The following LHPP variants were observed in gnomAD, a reference collection of about 807,000 sequenced individuals.
LHPP encodes the protein hLHPP.
In LHPP, 24 loss-of-function variants were observed where a neutral mutation model predicts 30.3. That is an observed-to-expected ratio of 0.79 (90% CI 0.57 to 1.11). LHPP has a LOEUF of 1.11. Ranked by LOEUF, LHPP falls within the 50% of genes most tolerant of loss-of-function variation. The pLI is 0.00. For synonymous variants in LHPP, 150 were observed against 157.1 expected (o/e 0.95, Z 0.34); for missense variants, 356 against 367.2 (o/e 0.97, Z 0.25).
chr10:124,574,012 G>A (rs1042004194), intron 6 of LHPP, among the ~76,000 whole-genome samples: 23 of 152,118 alleles, frequency 1.5e-4, no homozygotes, highest in Non-Finnish European at 2.6e-4. Context: ...TGCCCCACAG[G>A]TGTCACCCAT....
rs117076450 is a variant in LHPP, at chr10:124,519,612, C to T, written c.716+2341C>T. Among the ~76,000 whole-genome samples the T allele has an allele frequency of 9.3e-3, 1,412 of 152,230 alleles. 11 individuals carry two copies. Among genetic ancestry groups the T allele is most frequent in the Non-Finnish European group, 0.017 (1,133 of 68,016 alleles). On this transcript the variant is annotated intron_variant, in intron 6 of 6. Transcript: ENST00000368842. The stretch of plus-strand genomic sequence containing the variant: ...TACCTCCCACCCTTCCCGGCAAGCC[C>T]CCAAAGTCCATTGTATTATTTTTAT...
Position 124,461,859 on chromosome 10 carries a change from C to G in LHPP, c.-4C>G. 8.0e-7 allele frequency: 1 copy of G among 1,246,298 alleles called. No individual in the cohort carries two copies. The highest frequency in any genetic ancestry group is 3.1e-5 in the East Asian group (1 of 32,756). 77.2% of individuals were successfully genotyped at this position (1,246,298 alleles called of 1,614,324 possible). A position where few individuals can be genotyped will look rare whatever the true frequency, so the allele number is the denominator to read the frequency against. On this transcript the variant is annotated 5_prime_UTR_variant, in exon 1 of 7. Transcript: ENST00000368842. ...CGCGGAGCTGAGGAGCAGGGCCGGG[C>G]GCCATGGCACCGTGGGGCAAGCGGC...
intron 5 of LHPP, among the ~76,000 whole-genome samples, chr10:124,511,027 TG>T (rs1954283039): frequency 6.6e-6 from 1 of 152,218 alleles, no homozygotes; most frequent in Non-Finnish European, 1.5e-5. Context: ...GTGTCTTGCC[TG>T]GCCAGGTGTT....
chr10:124,569,749 G>A (rs535845162), intron 6 of LHPP, among the ~76,000 whole-genome samples: 53 of 152,322 alleles, frequency 3.5e-4, no homozygotes, highest in Middle Eastern at 3.4e-3. Context: ...GTAAGGCAGC[G>A]GAGCCGAGAT....
rs904793269 is a variant in LHPP, at chr10:124,592,570, G to A, written c.717-20694G>A. Among the ~76,000 whole-genome samples the A allele has an allele frequency of 2.0e-5, 3 of 152,150 alleles. No individual in the cohort carries two copies. The highest frequency in any genetic ancestry group is 4.8e-5 in the African/African-American group (2 of 41,428). ...CAGTCCTCAGTTTCCCCTTCTCTCC[G>A]GCACCCTCCTGAGGACCACTGAGCC... On this transcript the variant is annotated intron_variant, in intron 6 of 6. Coordinates refer to ENST00000368842, the MANE Select transcript of LHPP (RefSeq NM_022126.4). This position sits in a 1 kb window ranked among gnomAD's most constrained non-coding sequence, Gnocchi z 6.2.
chr10:124,608,434 T>G (rs1949123589), intron 6 of LHPP, among the ~76,000 whole-genome samples: 1 of 152,182 alleles, frequency 6.6e-6, no homozygotes, highest in Non-Finnish European at 1.5e-5. Context: ...AACCAACCTG[T>G]CCTTGCCACG....
chr10:124,563,879 A>T (rs184710755), intron 6 of LHPP, among the ~76,000 whole-genome samples: 1 of 152,220 alleles, frequency 6.6e-6, no homozygotes, highest in Non-Finnish European at 1.5e-5. Context: ...GGAGCTGCAC[A>T]GCCAGACAGA....
intron 6 of LHPP, among the ~76,000 whole-genome samples, chr10:124,565,638 C>T (rs7069598): frequency 3.1e-4 from 47 of 152,154 alleles, no homozygotes; most frequent in African/African-American, 9.4e-4. Context: ...TGCTACCCCA[C>T]GCCGTGCGCC....
chr10:124,530,005 G>T (rs1954852780), intron 6 of LHPP, among the ~76,000 whole-genome samples: 1 of 152,184 alleles, frequency 6.6e-6, no homozygotes, highest in South Asian at 2.1e-4. Flanking sequence ...GAGGTGCCTT[G>T]CCACAGGGCC....
chr10:124,556,322 C>G (rs1273023566), intron 6 of LHPP, among the ~76,000 whole-genome samples: 1 of 152,202 alleles, frequency 6.6e-6, no homozygotes, highest in Non-Finnish European at 1.5e-5. Flanking sequence ...GTGCCCAGTT[C>G]CAGAACACCC....
Position 124,496,167 on chromosome 10 carries a change from G to A in LHPP, c.468-794G>A, listed in dbSNP as rs549852416. The stretch of plus-strand genomic sequence containing the variant: ...CAATGAACTGCGTCTTCAGAGCAGC[G>A]CAGGTTAAACCACTTTCTCGCCTCA... On this transcript the variant is annotated intron_variant, in intron 3 of 6. Transcript: ENST00000368842. The surrounding 1 kb of genome is among the most constrained non-coding windows in gnomAD (Gnocchi z 4.3). Among the ~76,000 whole-genome samples, 4 of 152,294 alleles carry A rather than the reference G, an allele frequency of 2.6e-5. No homozygotes were observed. The highest frequency in any genetic ancestry group is 1.9e-4 in the East Asian group (1 of 5,182).
intron 6 of LHPP, among the ~76,000 whole-genome samples, chr10:124,565,001 G>A (rs7912943): frequency 0.039 from 6,006 of 152,240 alleles, 154 homozygotes; most frequent in South Asian, 0.058. Flanking sequence ...GGACTTTGGG[G>A]ACTTGGAGGA....
intron 1 of LHPP, among the ~76,000 whole-genome samples, chr10:124,479,002 G>A (rs1472202247): frequency 6.6e-6 from 1 of 151,970 alleles, no homozygotes; most frequent in Non-Finnish European, 1.5e-5. Flanking sequence ...CCAGGAGGCG[G>A]AGGTTGCAGT....
At chr10:124,474,984 A>G (rs925699339) in intron 1 of LHPP, among the ~76,000 whole-genome samples, 1 of 146,186 alleles carries the variant, frequency 6.8e-6, no homozygotes, top group East Asian at 2.0e-4. Context: ...CACAGCAATT[A>G]CTGCCATTTA....
intron 6 of LHPP, among the ~76,000 whole-genome samples, chr10:124,608,961 G>C (rs529480572): frequency 6.6e-6 from 1 of 152,218 alleles, no homozygotes; most frequent in African/African-American, 2.4e-5. Context: ...CAGAGCAGCC[G>C]CATCTCTGCA....
At chr10:124,549,497 AAAGG>A in intron 6 of LHPP, among the ~76,000 whole-genome samples, 1 of 152,158 alleles carries the variant, frequency 6.6e-6, no homozygotes, top group Non-Finnish European at 1.5e-5. Flanking sequence ...TATTTAAGAG[AAAGG>A]AAGGAACTCC....
chr10:124,496,849 G>A lies in LHPP; in HGVS notation c.468-112G>A, dbSNP rs9422999. 1.2e-3 allele frequency: 1,120 copies of A among 917,784 alleles called. 5 individuals are homozygous for A. The African/African-American group carries it at 0.015, about 12-fold the overall frequency. 56.9% of individuals were successfully genotyped at this position (917,784 alleles called of 1,614,324 possible). On this transcript the variant is annotated intron_variant, in intron 3 of 6. Transcript: ENST00000368842. The surrounding 1 kb of genome is among the most constrained non-coding windows in gnomAD (Gnocchi z 4.3). ...AGCGCCTGGACTGCCCCTCAGCCGC[G>A]GCTTGGCTCTGCAGCCAGCGGGACA...
Position 124,596,684 on chromosome 10 carries a change from C to A in LHPP, c.717-16580C>A, listed in dbSNP as rs1948947019. Among the ~76,000 whole-genome samples the A allele has an allele frequency of 6.6e-6, 1 of 152,186 alleles. No individual in the cohort carries two copies. The highest frequency in any genetic ancestry group is 2.4e-5 in the African/African-American group (1 of 41,446). ...GCAGCCTGGCCTATGAGCAGGGGGA[C>A]ACCATGAAGCTGGGTGGACGGGTGG... On this transcript the variant is annotated intron_variant, in intron 6 of 6. Transcript: ENST00000368842. The surrounding 1 kb of genome is among the most constrained non-coding windows in gnomAD (Gnocchi z 4.6).
intron 5 of LHPP, among the ~76,000 whole-genome samples, chr10:124,511,115 T>C (rs950478769): frequency 4.6e-5 from 7 of 152,236 alleles, no homozygotes; most frequent in African/African-American, 1.7e-4. Context: ...AAAAACACTT[T>C]GAATTTTTAC....
Sources: allele counts gnomAD v4.1 joint callset (sites outside exome capture counted in the v4.1 genomes callset), GRCh38; gene constraint gnomAD v4.1.1; non-coding constraint Gnocchi (gnomAD v3.1); transcripts MANE v1.5; gene names NCBI Gene and HGNC (gene_info 2026-07-23, HGNC 2026-07-21).